USP6NL: variants seen among roughly 807,000 people sequenced by gnomAD.
USP6NL encodes USP6 N-terminal like.
Under a neutral mutation model 61.9 loss-of-function variants are expected in USP6NL, and 26 were observed. The observed-to-expected ratio is 0.42, with a 90% confidence interval of 0.31 to 0.58. The LOEUF (loss-of-function observed/expected upper bound fraction) is 0.58. Among genes scored for constraint, USP6NL ranks in the 20% least tolerant of loss-of-function variants. The pLI, the probability that USP6NL is intolerant of heterozygous loss-of-function variation, is 0.16. For synonymous variants in USP6NL, 432 were observed against 390.1 expected (o/e 1.11, Z -1.27); for missense variants, 1,114 against 1,034.3 (o/e 1.08, Z -1.06).
chr10:11,555,100 T>TG (rs1306771534), intron 2 of USP6NL, among the ~76,000 whole-genome samples: 4 of 131,510 alleles, frequency 3.0e-5, no homozygotes, highest in East Asian at 3.7e-4. Context: ...CTGTTTTTTT[T>TG]TTTTTTTGGT....
At position 11,591,657 on chromosome 10, in the gene USP6NL, C is replaced by T. The variant is rs1838161435; in HGVS notation, c.4+5974G>A. 6.6e-6 allele frequency among the ~76,000 whole-genome samples: 1 copy of T among 151,818 alleles called. No homozygotes were observed. The highest frequency in any genetic ancestry group is 1.5e-5 in the Non-Finnish European group (1 of 67,956). ...AGAGAGGGAAAGGGAGAGGGAGAAT[C>T]AAATGGACAAAATGTAAATATTTGA... On this transcript the variant is annotated intron_variant, in intron 2 of 14. Coordinates refer to ENST00000609104, the MANE Select transcript of USP6NL (RefSeq NM_014688.5). The surrounding 1 kb of genome is among the most constrained non-coding windows in gnomAD (Gnocchi z 4.7).
At chr10:11,503,415 A>G (rs1186233846) in intron 6 of USP6NL, among the ~76,000 whole-genome samples, 1 of 152,180 alleles carries the variant, frequency 6.6e-6, no homozygotes, top group African/African-American at 2.4e-5. Flanking sequence ...TTAAATCTAC[A>G]TTTAGGGAAA....
chr10:11,552,565 ACGGGTTT>A (rs1468215354), intron 2 of USP6NL, among the ~76,000 whole-genome samples: 1 of 152,226 alleles, frequency 6.6e-6, no homozygotes, highest in Non-Finnish European at 1.5e-5. Context: ...AACTGCAACC[ACGGGTTT>A]CGTGAAGTTC....
At chr10:11,477,132 A>T (rs1031413263) in intron 14 of USP6NL, among the ~76,000 whole-genome samples, 1 of 152,200 alleles carries the variant, frequency 6.6e-6, no homozygotes, top group Non-Finnish European at 1.5e-5. Flanking sequence ...TTGGCCTTCC[A>T]AAGTGTTGGG....
At position 11,527,534 on chromosome 10, in the gene USP6NL, T is replaced by C. The variant is rs373800309; in HGVS notation, c.38A>G (p.Gln13Arg). The C allele has an allele frequency of 1.2e-6, 2 of 1,609,364 alleles. No individual in the cohort carries two copies. The highest frequency in any genetic ancestry group is 1.7e-6 in the Non-Finnish European group (2 of 1,177,734). ...TTTAGCAACTATTTCAGCTCGCTCC[T>C]GGGCAAGTTTGAGTGCTACATCCTG... Reference protein sequence around the residue: ...SDQDVALKLAQERAEIVAKYD... With the variant: ...SDQDVALKLARERAEIVAKYD... The change falls in exon 3 of 15, where the codon CAG becomes CGG. Residue 13 changes from glutamine (Q) to arginine (R), a missense_variant. Coordinates refer to ENST00000609104, the MANE Select transcript of USP6NL (RefSeq NM_014688.5).
At chr10:11,590,710 G>A (rs974684109) in intron 2 of USP6NL, among the ~76,000 whole-genome samples, 18 of 151,992 alleles carry the variant, frequency 1.2e-4, no homozygotes, top group Admixed American at 3.3e-4. Flanking sequence ...TAAAACTAAT[G>A]AAAGAGATAA....
chr10:11,571,835 G>GA (rs901780306), intron 2 of USP6NL, among the ~76,000 whole-genome samples: 10 of 140,546 alleles, frequency 7.1e-5, no homozygotes, highest in Non-Finnish European at 9.3e-5. Flanking sequence ...AAGCTTCTAA[G>GA]AAAAAAATCT....
rs758834652 is a variant in USP6NL at position 11,537,504 on chromosome 10, CA to C, written c.5-9938del. 6.6e-6 allele frequency among the ~76,000 whole-genome samples: 1 copy of C among 152,234 alleles called. No individual in the cohort carries two copies. The highest frequency in any genetic ancestry group is 1.5e-5 in the Non-Finnish European group (1 of 68,042). ...TTCTTCAATTTTAACTTTTCATTAT[CA>C]GCACAAATATGATTTATACCTTCCC... On this transcript the variant is annotated intron_variant, in intron 2 of 14. Transcript: ENST00000609104. The surrounding 1 kb of genome is among the most constrained non-coding windows in gnomAD (Gnocchi z 5.1).
At position 11,525,250 on chromosome 10, in the gene USP6NL, A is replaced by C; in HGVS notation, c.155+136T>G. 1.7e-6 allele frequency: 1 copy of C among 603,236 alleles called. No individual in the cohort carries two copies. The highest frequency in any genetic ancestry group is 3.5e-5 in the East Asian group (1 of 28,604). The allele number at this position is 603,236 out of a possible 1,614,324, so 37.4% of individuals were successfully genotyped here. A position where few individuals can be genotyped will look rare whatever the true frequency, so the allele number is the denominator to read the frequency against. On this transcript the variant is annotated intron_variant, in intron 4 of 14. Coordinates refer to ENST00000609104, the MANE Select transcript of USP6NL (RefSeq NM_014688.5). This position sits in a 1 kb window ranked among gnomAD's most constrained non-coding sequence, Gnocchi z 5.0. ...CAGAGTTGTTAAAAGAAACCTAGGA[A>C]TTTAGTATCAAAACGCATATTGTAA...
At chr10:11,578,438 T>C (rs1837629143) in intron 2 of USP6NL, among the ~76,000 whole-genome samples, 1 of 152,200 alleles carries the variant, frequency 6.6e-6, no homozygotes, top group South Asian at 2.1e-4. Flanking sequence ...CTTTCAACAT[T>C]TTCCAATTTA....
chr10:11,581,975 T>C (rs1837789601), intron 2 of USP6NL, among the ~76,000 whole-genome samples: 1 of 152,064 alleles, frequency 6.6e-6, no homozygotes, highest in African/African-American at 2.4e-5. Context: ...TGGTTGTTGT[T>C]GTTTTTGAGA....
chr10:11,487,856 C>T lies in USP6NL; in HGVS notation c.664+1246G>A, dbSNP rs117670766. On this transcript the variant is annotated intron_variant, in intron 10 of 14. Transcript: ENST00000609104. This position sits in a 1 kb window ranked among gnomAD's most constrained non-coding sequence, Gnocchi z 4.2. ...ATCCTCACATGGTCAGAGTGTGAGA[C>T]TTCACAAACAATGGGCTATAGAAAG... is the stretch of plus-strand genomic sequence containing the variant. 1.6e-3 allele frequency among the ~76,000 whole-genome samples: 246 copies of T among 152,270 alleles called. 1 individual carries two copies. The highest frequency in any genetic ancestry group is 2.4e-3 in the Non-Finnish European group (166 of 68,018).
chr10:11,505,576 T>C (rs773942135), intron 6 of USP6NL, among the ~76,000 whole-genome samples: 15 of 152,206 alleles, frequency 9.9e-5, no homozygotes, highest in Non-Finnish European at 1.8e-4. Flanking sequence ...TTGAAAAGTA[T>C]CACCTTTAAG....
Position 11,491,939 on chromosome 10 carries a change from T to C in USP6NL, c.495-1059A>G, listed in dbSNP as rs1197945490. On this transcript the variant is annotated intron_variant, in intron 8 of 14. Coordinates refer to ENST00000609104, the MANE Select transcript of USP6NL (RefSeq NM_014688.5). This position sits in a 1 kb window ranked among gnomAD's most constrained non-coding sequence, Gnocchi z 4.7. ...ACAGAAGGGATTGCTGCAATTATTA[T>C]GAGTATTTCTTCCTTATTTTTTTGT... Among the ~76,000 whole-genome samples, 4 of 152,246 alleles carry C rather than the reference T, an allele frequency of 2.6e-5. No homozygotes were observed. The highest frequency in any genetic ancestry group is 9.6e-5 in the African/African-American group (4 of 41,470).
At chr10:11,605,885 G>A (rs775079547) in intron 1 of USP6NL, among the ~76,000 whole-genome samples, 4 of 152,124 alleles carry the variant, frequency 2.6e-5, no homozygotes, top group Admixed American at 6.5e-5. Flanking sequence ...GATTCAGGGA[G>A]AAAATCTAAC....
intron 2 of USP6NL, among the ~76,000 whole-genome samples, chr10:11,579,369 C>T (rs2133598767): frequency 6.6e-6 from 1 of 152,298 alleles, no homozygotes; most frequent in South Asian, 2.1e-4. Flanking sequence ...AGTTTAAATT[C>T]CTTAGCATAG....
intron 2 of USP6NL, among the ~76,000 whole-genome samples, chr10:11,551,608 G>A (rs1836492276): frequency 6.6e-6 from 1 of 152,184 alleles, no homozygotes; most frequent in South Asian, 2.1e-4. Flanking sequence ...GAGACTTAGA[G>A]AGATCAATGT....
At chr10:11,556,534 T>C (rs1218247618) in intron 2 of USP6NL, among the ~76,000 whole-genome samples, 1 of 151,962 alleles carries the variant, frequency 6.6e-6, no homozygotes, top group Admixed American at 6.5e-5. Flanking sequence ...AGAGAGATCA[T>C]AAACAAACAA....
At chr10:11,503,422 G>GA (rs943311904) in intron 6 of USP6NL, among the ~76,000 whole-genome samples, 7 of 152,074 alleles carry the variant, frequency 4.6e-5, no homozygotes, top group African/African-American at 1.4e-4. Flanking sequence ...TACATTTAGG[G>GA]AAAAAAACTC....
Sources: gnomAD v4.1 joint callset for allele counts (sites outside exome capture counted in the v4.1 genomes callset) on GRCh38, gnomAD v4.1.1 for gene constraint, Gnocchi (gnomAD v3.1) non-coding constraint, MANE v1.5 for transcripts, NCBI Gene and HGNC (gene_info 2026-07-23, HGNC 2026-07-21) for gene names.